The following CCL28 variants were observed in gnomAD, a reference collection of about 807,000 sequenced individuals.
The protein encoded by CCL28 is C-C motif chemokine 28.
A neutral mutation model predicts 7.1 loss-of-function variants in CCL28; 4 were observed. The observed-to-expected ratio is 0.56, with a 90% CI of 0.28 to 1.29. The LOEUF (loss-of-function observed/expected upper bound fraction) is 1.29. CCL28 is among the 50% of genes most tolerant of loss of function. The probability of loss-of-function intolerance (pLI) is 0.11; values close to 1 mark genes in which losing one functional copy is unlikely to be tolerated. For missense variants in CCL28, 151 were observed against 163.4 expected, an observed-to-expected ratio of 0.92 and a Z score of 0.41; for synonymous variants, 55 against 57.8, an observed-to-expected ratio of 0.95 and a Z score of 0.22.
intron 1 of CCL28, among the ~76,000 whole-genome samples, chr5:43,391,841 T>C (rs1264816859): frequency 1.3e-5 from 2 of 152,234 alleles, no homozygotes; most frequent in East Asian, 3.8e-4. Context: ...GGTAATAATA[T>C]GCAGAAAAAC....
intron 1 of CCL28, among the ~76,000 whole-genome samples, chr5:43,396,122 T>C (rs1740791230): frequency 6.6e-6 from 1 of 152,050 alleles, no homozygotes; most frequent in Non-Finnish European, 1.5e-5. Context: ...CGCCCGCCTC[T>C]GCCTCCCAAA....
the CCL28 span, among the ~76,000 whole-genome samples, chr5:43,364,087 A>G: frequency 6.6e-6 from 1 of 152,228 alleles, no homozygotes; most frequent in Admixed American, 6.5e-5. Flanking sequence ...TTATTTATAT[A>G]TCTTCTTTTC....
chr5:43,382,404 A>C (rs1185177306), intron 2 of CCL28, among the ~76,000 whole-genome samples: 1 of 152,134 alleles, frequency 6.6e-6, no homozygotes, highest in African/African-American at 2.4e-5. Context: ...AACCAAGTGA[A>C]CCCAACAAAA....
At chr5:43,388,686 GAC>G (rs537903641) in intron 1 of CCL28, among the ~76,000 whole-genome samples, 73 of 152,154 alleles carry the variant, frequency 4.8e-4, no homozygotes, top group Admixed American at 1.1e-3. Context: ...TTTAGGCAAA[GAC>G]ACAAAACAAG....
the CCL28 span, among the ~76,000 whole-genome samples, chr5:43,367,968 A>T: frequency 1.3e-5 from 2 of 152,192 alleles, no homozygotes; most frequent in African/African-American, 4.8e-5. Context: ...TAAGCAATAC[A>T]AATAAGGTAG....
At chr5:43,367,618 A>C in the CCL28 span, among the ~76,000 whole-genome samples, 2 of 152,108 alleles carry the variant, frequency 1.3e-5, no homozygotes, top group African/African-American at 4.8e-5. Flanking sequence ...GGAAATGCAG[A>C]AATCACCTGC....
Position 43,379,584 on chromosome 5 carries a change from T to C in CCL28, c.*2276A>G, listed in dbSNP as rs868083080. The C allele has an allele frequency of 1.3e-5, 2 of 152,196 alleles. No homozygotes were observed. Among genetic ancestry groups the C allele is most frequent in the Admixed American group, 1.3e-4 (2 of 15,276 alleles). 9.4% of individuals were successfully genotyped at this position (152,196 alleles called of 1,614,324 possible). ...AGGGATATTAGGCAAAGGCCAGTTT[T>C]GGTGGCATTTTAACCTATGGAGACT... On this transcript the variant is annotated 3_prime_UTR_variant, in exon 3 of 3. Coordinates refer to ENST00000361115, the MANE Select transcript of CCL28 (RefSeq NM_148672.3).
At chr5:43,363,886 C>G in the CCL28 span, among the ~76,000 whole-genome samples, 3 of 152,160 alleles carry the variant, frequency 2.0e-5, no homozygotes, top group Non-Finnish European at 4.4e-5. Context: ...TTTGGGTTTA[C>G]ACAACGAAAT....
chr5:43,380,454 G>T lies in CCL28; in HGVS notation c.*1406C>A, dbSNP rs528388508. 6 of 152,146 alleles carry T rather than the reference G, an allele frequency of 3.9e-5. No homozygotes were observed. The highest frequency in any genetic ancestry group is 7.4e-5 in the Non-Finnish European group (5 of 67,994). The allele number at this position is 152,146 out of a possible 1,614,324, so 9.4% of individuals were successfully genotyped here. On this transcript the variant is annotated 3_prime_UTR_variant, in exon 3 of 3. Coordinates refer to ENST00000361115, the MANE Select transcript of CCL28 (RefSeq NM_148672.3). ...ACTCTAAATGACAAAATAAGTACACGAATTCACGTAGGAAATTCTTAACCA... is the reference window on the plus strand; with the variant it reads ...ACTCTAAATGACAAAATAAGTACACTAATTCACGTAGGAAATTCTTAACCA...
chr5:43,370,739 TC>T, the CCL28 span, among the ~76,000 whole-genome samples: 1,148 of 144,142 alleles, frequency 8.0e-3, 11 homozygotes, highest in Admixed American at 0.013. Flanking sequence ...TCTCTCTTTC[TC>T]TCTCTTTTTT....
chr5:43,363,116 AG>A, the CCL28 span, among the ~76,000 whole-genome samples: 110 of 152,290 alleles, frequency 7.2e-4, 2 homozygotes, highest in African/African-American at 2.5e-3. Context: ...TCCACCTGAT[AG>A]TCCAAGAATT....
At chr5:43,376,965 C>G (rs975857371), downstream of CCL28, 1 of 152,106 alleles carries the variant, frequency 6.6e-6, no homozygotes, top group Admixed American at 6.5e-5. Flanking sequence ...TTAAGGGGAA[C>G]TATAATCTTG....
At chr5:43,374,273 C>T (rs1194102260), downstream of CCL28, among the ~76,000 whole-genome samples, 3 of 152,114 alleles carry the variant, frequency 2.0e-5, no homozygotes, top group Non-Finnish European at 4.4e-5. Context: ...AGTATAGAGG[C>T]TGCAATATGC....
chr5:43,358,095 C>T, the CCL28 span, among the ~76,000 whole-genome samples: 1 of 152,214 alleles, frequency 6.6e-6, no homozygotes, highest in Non-Finnish European at 1.5e-5. Flanking sequence ...TACAGCTCTC[C>T]TCTTAGCAAT....
the CCL28 span, among the ~76,000 whole-genome samples, chr5:43,362,458 A>T: frequency 1.3e-5 from 2 of 152,136 alleles, no homozygotes; most frequent in African/African-American, 4.8e-5. Context: ...TTACAATTTA[A>T]TTATATTTAT....
intron 2 of CCL28, among the ~76,000 whole-genome samples, chr5:43,385,563 A>T (rs892447163): frequency 1.3e-5 from 2 of 152,242 alleles, no homozygotes; most frequent in African/African-American, 4.8e-5. Flanking sequence ...ATACTAAACT[A>T]ATCTGAAAAC....
At chr5:43,397,249 CCTAGCCTACCGCGGGCTGCCCTTCACA>C (rs1289557292) in intron 1 of CCL28, 2 of 152,170 alleles carry the variant, frequency 1.3e-5, no homozygotes, top group Non-Finnish European at 2.9e-5. Flanking sequence ...CAGGACCAGG[CCTAGCCTACCGCGGGCTGCCCTTCACA>C]GAGCTGCAGG....
chr5:43,391,309 G>A (rs1740562196), intron 1 of CCL28, among the ~76,000 whole-genome samples: 1 of 152,152 alleles, frequency 6.6e-6, no homozygotes, highest in South Asian at 2.1e-4. Context: ...TGCAAATTTG[G>A]TTGGAATATA....
chr5:43,359,489 G>T, the CCL28 span, among the ~76,000 whole-genome samples: 1 of 152,112 alleles, frequency 6.6e-6, no homozygotes, highest in Admixed American at 6.6e-5. Context: ...CCCTGGGTCG[G>T]GCAGGTGTTC....
Sources: allele counts gnomAD v4.1 joint callset (sites outside exome capture counted in the v4.1 genomes callset), GRCh38; gene constraint gnomAD v4.1.1; transcripts MANE v1.5; gene names NCBI Gene and HGNC (gene_info 2026-07-23, HGNC 2026-07-21).